Variants in NLRX1 observed in about 807,000 individuals in gnomAD.
The protein encoded by NLRX1 is NOD-like receptor X1.
Under a neutral mutation model 74.2 loss-of-function variants are expected in NLRX1, and 67 were observed. The ratio of observed to expected loss-of-function variants is 0.90; its 90% confidence interval spans 0.74 to 1.11. The LOEUF (loss-of-function observed/expected upper bound fraction) is 1.11, where lower values mean the gene tolerates loss of function less well. Ranked by LOEUF, NLRX1 falls within the 50% of genes least tolerant of loss-of-function variation. The pLI, the probability that NLRX1 is intolerant of heterozygous loss-of-function variation, is 0.00. For missense variants in NLRX1, 1,191 were observed against 1,305.4 expected, an observed-to-expected ratio of 0.91 and a Z score of 1.35; for synonymous variants, 506 against 559.1, an observed-to-expected ratio of 0.91 and a Z score of 1.34.
At position 119,174,034 on chromosome 11, in the gene NLRX1, C is replaced by A. The variant is rs149129258; in HGVS notation, c.785C>A (p.Pro262Gln). The A allele has an allele frequency of 7.3e-5, 118 of 1,614,126 alleles. No homozygotes were observed. In the East Asian group the frequency reaches 2.6e-3, roughly 36 times the overall value. ...RLAGTGLCSD[P>Q]EEPQEPAAII... ...GCAGGCACGGGACTTTGTAGTGACC[C>A]GGAGGAACCGCAGGAACCAGCTGCT... Residue 262 changes from proline (P) to glutamine (Q), a missense_variant, in exon 5 of 10, where the codon CCG becomes CAG. Physicochemically the swap from Pro to Gln is moderately conservative, Grantham distance 76 (BLOSUM62 -1). Coordinates refer to ENST00000409109, the MANE Select transcript of NLRX1 (RefSeq NM_001282144.2).
rs770597755 is a variant in NLRX1, at chr11:119,180,116, C to G, written c.2095C>G (p.Arg699Gly). The G allele has an allele frequency of 6.2e-7, 1 of 1,613,484 alleles. No homozygotes were observed. Among genetic ancestry groups the G allele is most frequent in the East Asian group, 2.2e-5 (1 of 44,846 alleles). ...RFSAEVLSSL[R>G]QLNLAGVRMT... ...CTCCGCTGAGGTGCTCAGCTCCCTG[C>G]GTCAGCTCAACCTGGCAGGTGTGCG... The change falls in exon 7 of 10, where the codon CGT becomes GGT. Residue 699 changes from arginine (R) to glycine (G), a missense_variant. Transcript: ENST00000409109.
In NLRX1 at chr11:119,183,635, T is replaced by A. The variant is rs757479652; in HGVS notation, c.*196T>A. Reference sequence around the variant, plus strand: ...TCTGGAATCTCCAAGTTAAAGATGGTGAATCAATGCTTCGGGCTTGGAGAT... The same window carrying A: ...TCTGGAATCTCCAAGTTAAAGATGGAGAATCAATGCTTCGGGCTTGGAGAT... On this transcript the variant is annotated 3_prime_UTR_variant, in exon 10 of 10. Transcript: ENST00000409109. This position sits in a 1 kb window ranked among gnomAD's most constrained non-coding sequence, Gnocchi z 5.7. The A allele has an allele frequency of 1.4e-6, 1 of 715,708 alleles. No individual in the cohort carries two copies. Among genetic ancestry groups the A allele is most frequent in the Non-Finnish European group, 2.5e-6 (1 of 394,740 alleles). The allele number at this position is 715,708 out of a possible 1,614,324, so 44.3% of individuals were successfully genotyped here.
At chr11:119,171,537 C>T in intron 2 of NLRX1, 64 bp downstream of exon 2, 1 of 1,203,780 alleles carries the variant, frequency 8.3e-7, no homozygotes, top group South Asian at 1.2e-5. Context: ...CACATGATGC[C>T]TCCAAGACAG....
intron 2 of NLRX1, among the ~76,000 whole-genome samples, chr11:119,171,889 A>G (rs955400884): frequency 7.9e-5 from 12 of 152,094 alleles, no homozygotes; most frequent in African/African-American, 2.7e-4. Flanking sequence ...CGGGAGGCAG[A>G]AGTTGCAGTG....
At chr11:119,172,258 A>C in intron 2 of NLRX1, 98 bp from the exon 3 acceptor site, 2 of 901,254 alleles carry the variant, frequency 2.2e-6, no homozygotes, top group Non-Finnish European at 3.8e-6. Context: ...GGGGCAGTAC[A>C]TGCTGCTATG....
intron 6 of NLRX1, among the ~76,000 whole-genome samples, chr11:119,179,288 A>G (rs1948768663): frequency 6.6e-6 from 1 of 152,334 alleles, no homozygotes; most frequent in African/African-American, 2.4e-5. Context: ...TCTGCAGCAC[A>G]TGAGACAGGT....
chr11:119,174,246 T>C (rs1462054553), intron 5 of NLRX1, 148 bp downstream of exon 5: 5 of 1,179,678 alleles, frequency 4.2e-6, no homozygotes, highest in African/African-American at 3.1e-5. Context: ...TCCTTTCTTT[T>C]TGAGTTGCTC....
intron 1 of NLRX1, among the ~76,000 whole-genome samples, chr11:119,170,005 A>G (rs1423565693): frequency 7.5e-5 from 5 of 67,002 alleles, no homozygotes; most frequent in African/African-American, 2.8e-4. Context: ...CTCAGGAAAA[A>G]AAAAAAAAAA....
At chr11:119,177,060 GT>G (rs1258882586) in intron 6 of NLRX1, among the ~76,000 whole-genome samples, 3 of 151,956 alleles carry the variant, frequency 2.0e-5, no homozygotes, top group Non-Finnish European at 1.5e-5. Context: ...CTAGGACATG[GT>G]AAGTGCTATT....
intron 8 of NLRX1, 131 bp downstream of exon 8, chr11:119,181,388 C>T (rs976133900): frequency 2.8e-5 from 19 of 677,522 alleles, no homozygotes; most frequent in Middle Eastern, 3.7e-4. Flanking sequence ...CCTGACCTGT[C>T]CCCTCCACTT....
intron 7 of NLRX1, 136 bp downstream of exon 7, chr11:119,180,424 G>A (rs752727058): frequency 5.4e-5 from 39 of 728,244 alleles, no homozygotes; most frequent in Non-Finnish European, 8.2e-5. Flanking sequence ...TAGTTTAGGG[G>A]CCGGGAGCAG....
rs151131986 is a variant in NLRX1 at position 119,174,004 on chromosome 11, G to C, written c.755G>C (p.Arg252Pro). The C allele has an allele frequency of 6.2e-7, 1 of 1,614,146 alleles. No individual in the cohort carries two copies. The highest frequency in any genetic ancestry group is 1.1e-5 in the South Asian group (1 of 91,092). ...HGLEHLNLDFRLAGTGLCSDP... is the reference protein window; with the variant it reads ...HGLEHLNLDFPLAGTGLCSDP... ...TTAGAGCATCTCAACCTCGACTTCC[G>C]GCTGGCAGGCACGGGACTTTGTAGT... is the stretch of plus-strand genomic sequence containing the variant. The change falls in exon 5 of 10, where the codon CGG becomes CCG. Residue 252 changes from arginine (R) to proline (P), a missense_variant. Arg to Pro is a moderately radical substitution (Grantham distance 103, BLOSUM62 -2). Coordinates refer to ENST00000409109, the MANE Select transcript of NLRX1 (RefSeq NM_001282144.2).
At position 119,183,411 on chromosome 11, in the gene NLRX1, T is replaced by C. The variant is rs746585637; in HGVS notation, c.2900T>C (p.Leu967Pro). 8 of 1,613,130 alleles carry C rather than the reference T, an allele frequency of 5.0e-6. No individual in the cohort carries two copies. The South Asian group carries it at 7.7e-5, about 15-fold the overall frequency. ...LRVEGEVRAL[L>P]EQLGSSGS ...GTGGAGGGCGAGGTCAGGGCCCTCC[T>C]GGAGCAGCTGGGAAGCTCTGGAAGC... The change falls in exon 10 of 10, where the codon CTG becomes CCG. Residue 967 changes from leucine to proline, a missense_variant. Physicochemically the swap from Leu to Pro is moderately conservative, Grantham distance 98 (BLOSUM62 -3). Transcript: ENST00000409109. This position sits in a 1 kb window ranked among gnomAD's most constrained non-coding sequence, Gnocchi z 5.7.
In NLRX1 at chr11:119,174,811, G is replaced by T. The variant is rs145985036; in HGVS notation, c.1208G>T (p.Arg403Leu). The T allele has an allele frequency of 1.1e-5, 17 of 1,613,832 alleles. No individual in the cohort carries two copies. The highest frequency in any genetic ancestry group is 1.4e-5 in the Non-Finnish European group (17 of 1,180,040). ...ACAAGCATCTATACCAGCTTCCTGC[G>T]CCTCAACTTCAGCGGGGAAACCCTG... ...TLTSIYTSFL[R>L]LNFSGETLDS... is the part of the protein sequence containing the mutation. Residue 403 changes from arginine (R) to leucine (L), a missense_variant, in exon 6 of 10, where the codon CGC (arginine) becomes CTC (leucine). By Grantham distance (102) the Arg-to-Leu change is moderately radical. Coordinates refer to ENST00000409109, the MANE Select transcript of NLRX1 (RefSeq NM_001282144.2).
Position 119,174,695 on chromosome 11 carries a change from A to G in NLRX1, c.1092A>G (p.Ile364Met). ...LSRNLEGHHQ[I>M]AAACFLPSYC... ...GGAACCTGGAGGGGCACCACCAGAT[A>G]GCCGCTGCCTGCTTCCTGCCGTCCT... Residue 364 changes from isoleucine to methionine, a missense_variant, in exon 6 of 10, where the codon ATA becomes ATG. By Grantham distance (10) the Ile-to-Met change is conservative. Coordinates refer to ENST00000409109, the MANE Select transcript of NLRX1 (RefSeq NM_001282144.2). 6.2e-7 allele frequency: 1 copy of G among 1,613,968 alleles called. No individual in the cohort carries two copies. Among genetic ancestry groups the G allele is most frequent in the South Asian group, 1.1e-5 (1 of 91,088 alleles).
intron 7 of NLRX1, among the ~76,000 whole-genome samples, chr11:119,180,525 A>C (rs1363186400): frequency 6.6e-6 from 1 of 152,036 alleles, no homozygotes; most frequent in Non-Finnish European, 1.5e-5. Flanking sequence ...AACATGGAGA[A>C]ACCCTGTCTC....
rs777449044 is a variant in NLRX1, at chr11:119,183,939, T to C, written c.*500T>C. The C allele has an allele frequency of 6.4e-6, 5 of 778,990 alleles. No homozygotes were observed. In the Admixed American group the frequency reaches 6.8e-5, roughly 11 times the overall value. The allele number at this position is 778,990 out of a possible 1,614,324, so 48.3% of individuals were successfully genotyped here. A position where few individuals can be genotyped will look rare whatever the true frequency, so the allele number is the denominator to read the frequency against. ...CATCCTCATGCCCCCTTTGCCACAA[T>C]GGTATGATGGCTTGGTAGCCCCTCG... On this transcript the variant is annotated 3_prime_UTR_variant, in exon 10 of 10. Coordinates refer to ENST00000409109, the MANE Select transcript of NLRX1 (RefSeq NM_001282144.2). This position sits in a 1 kb window ranked among gnomAD's most constrained non-coding sequence, Gnocchi z 5.7.
At chr11:119,174,379 AG>A (rs1948636720) in intron 5 of NLRX1, 73 bp from the exon 6 acceptor site, 22 of 1,463,286 alleles carry the variant, frequency 1.5e-5, no homozygotes, top group Non-Finnish European at 2.0e-5. Flanking sequence ...CTCCGTCTTC[AG>A]GGGTCCCCTG....
chr11:119,182,889 AAAAAACAAAAACAAAAAC>A (rs578006710), intron 9 of NLRX1, among the ~76,000 whole-genome samples: 3 of 151,548 alleles, frequency 2.0e-5, no homozygotes, highest in Non-Finnish European at 4.4e-5. Context: ...TCCATCTCAA[AAAAAACAAAAACAAAAAC>A]AAAAACAAAA....
Sources: gnomAD v4.1 joint callset for allele counts (sites outside exome capture counted in the v4.1 genomes callset) on GRCh38, gnomAD v4.1.1 for gene constraint, Gnocchi (gnomAD v3.1) non-coding constraint, MANE v1.5 for transcripts, NCBI Gene and HGNC (gene_info 2026-07-23, HGNC 2026-07-21) for gene names.